PHLDB2: variants seen among roughly 807,000 people sequenced by gnomAD.
PHLDB2 encodes pleckstrin homology like domain family B member 2, also known as pleckstrin homology-like domain family B member 2.
A neutral mutation model predicts 123.6 loss-of-function variants in PHLDB2; 71 were observed. That is an observed-to-expected ratio of 0.57 (90% CI 0.47 to 0.70). The LOEUF is 0.70. PHLDB2 is among the 30% of genes least tolerant of loss of function. PHLDB2 has a pLI of 0.00. For synonymous variants in PHLDB2, 547 were observed against 541.6 expected (o/e 1.01, Z -0.14); for missense variants, 1,446 against 1,519.5 (o/e 0.95, Z 0.80).
chr3:111,857,765 C>T (rs1054749960), upstream of PHLDB2, among the ~76,000 whole-genome samples: 5 of 152,274 alleles, frequency 3.3e-5, no homozygotes, highest in South Asian at 4.1e-4. Flanking sequence ...TACCATCTCA[C>T]GCCAGTTAGA....
intron 1 of PHLDB2, among the ~76,000 whole-genome samples, chr3:111,761,860 A>AT (rs374112843): frequency 4.6e-5 from 7 of 151,640 alleles, no homozygotes; most frequent in South Asian, 2.1e-4. Flanking sequence ...CCAGCCCAAC[A>AT]TTTTTTTTTA....
chr3:111,807,964 T>G (rs2061669614), intron 1 of PHLDB2, among the ~76,000 whole-genome samples: 1 of 126,706 alleles, frequency 7.9e-6, no homozygotes, highest in Non-Finnish European at 1.7e-5. Flanking sequence ...TTTTTTTTTT[T>G]GCCTAATTTT....
At chr3:111,943,697 C>T (rs1425672578) in intron 8 of PHLDB2, among the ~76,000 whole-genome samples, 1 of 152,048 alleles carries the variant, frequency 6.6e-6, no homozygotes, top group African/African-American at 2.4e-5. Context: ...AATTTAATTC[C>T]ATCTCATAAA....
chr3:111,805,744 A>AG, intron 1 of PHLDB2, among the ~76,000 whole-genome samples: 1 of 148,054 alleles, frequency 6.8e-6, no homozygotes, highest in Non-Finnish European at 1.5e-5. Context: ...GCCTGGGGCC[A>AG]GGGGTGGTGA....
At chr3:111,821,620 G>T (rs891264826) in intron 1 of PHLDB2, among the ~76,000 whole-genome samples, 2 of 152,052 alleles carry the variant, frequency 1.3e-5, no homozygotes. Context: ...TTTATTTAAA[G>T]GTTGCTCATT....
intron 1 of PHLDB2, among the ~76,000 whole-genome samples, chr3:111,830,526 A>G (rs1359478757): frequency 9.4e-5 from 10 of 106,284 alleles, no homozygotes; most frequent in Non-Finnish European, 1.6e-4. Flanking sequence ...AAAAAAAAAA[A>G]GGGCCGGGCG....
At chr3:111,958,151 A>G (rs757407242) in intron 12 of PHLDB2, 12 of 415,158 alleles carry the variant, frequency 2.9e-5, no homozygotes, top group Non-Finnish European at 3.9e-5. Context: ...GAAGTGTTGT[A>G]TGTTTTTCCT....
intron 1 of PHLDB2, among the ~76,000 whole-genome samples, chr3:111,802,897 A>G (rs146661491): frequency 6.6e-6 from 1 of 152,298 alleles, no homozygotes; most frequent in Admixed American, 6.5e-5. Flanking sequence ...CCTGCTCCCA[A>G]ATGATAGATA....
intron 15 of PHLDB2, among the ~76,000 whole-genome samples, chr3:111,968,254 A>G (rs1389265406): frequency 6.6e-6 from 1 of 152,124 alleles, no homozygotes; most frequent in Non-Finnish European, 1.5e-5. Context: ...TTACAAGCAA[A>G]CAGTCTAGAG....
At chr3:111,936,734 A>G (rs138325385) in intron 6 of PHLDB2, among the ~76,000 whole-genome samples, 9 of 152,208 alleles carry the variant, frequency 5.9e-5, no homozygotes, top group South Asian at 2.1e-4. Context: ...CAAAGTGTAT[A>G]TATTCTGAGT....
At chr3:111,828,230 A>C (rs2062761134) in intron 1 of PHLDB2, among the ~76,000 whole-genome samples, 1 of 152,200 alleles carries the variant, frequency 6.6e-6, no homozygotes, top group South Asian at 2.1e-4. Context: ...AAAGGCCAAG[A>C]GAGTTATAGC....
Position 111,966,656 on chromosome 3 carries a change from CT to C in PHLDB2, c.3125del (p.Leu1042Ter). On this transcript the variant is annotated frameshift_variant, in exon 14 of 18. Transcript: ENST00000431670. LOFTEE classifies it high-confidence loss of function. Reference sequence around the variant, plus strand: ...TGCTAGAATAGAAGAAATGGAGAGACTTTTGAAGCAGGCTCATGCAGAAAAG... The same window carrying C: ...TGCTAGAATAGAAGAAATGGAGAGACTTTGAAGCAGGCTCATGCAGAAAAG... ...NIARIEEMERLLKQAHAEKTR... is the reference protein window; with the variant it reads ...NIARIEEMERXLKQAHAEKTR... 1 of 1,613,466 alleles carries C rather than the reference CT, an allele frequency of 6.2e-7. No homozygotes were observed. Among genetic ancestry groups the C allele is most frequent in the Non-Finnish European group, 8.5e-7 (1 of 1,179,666 alleles).
intron 2 of PHLDB2, among the ~76,000 whole-genome samples, chr3:111,904,886 C>G (rs1451959295): frequency 6.6e-6 from 1 of 152,066 alleles, no homozygotes; most frequent in African/African-American, 2.4e-5. Context: ...TCCCAGACAC[C>G]CTTCTAAGTG....
intron 1 of PHLDB2, among the ~76,000 whole-genome samples, chr3:111,826,999 G>A (rs183350012): frequency 6.6e-6 from 1 of 152,268 alleles, no homozygotes; most frequent in Admixed American, 6.5e-5. Flanking sequence ...GCAGTTAAAC[G>A]CAAATGCTTT....
intron 1 of PHLDB2, among the ~76,000 whole-genome samples, chr3:111,779,253 C>G (rs1172331093): frequency 1.2e-5 from 1 of 84,238 alleles, no homozygotes; most frequent in East Asian, 2.2e-4. Context: ...ATATTTTTTT[C>G]TTTTTCAACT....
chr3:111,899,959 T>C (rs1297588640), intron 2 of PHLDB2, among the ~76,000 whole-genome samples: 1 of 152,212 alleles, frequency 6.6e-6, no homozygotes, highest in African/African-American at 2.4e-5. Context: ...ATCTTTCCAA[T>C]TGACTTGCTG....
intron 1 of PHLDB2, among the ~76,000 whole-genome samples, chr3:111,776,774 G>A (rs1208870132): frequency 1.3e-5 from 2 of 152,014 alleles, no homozygotes; most frequent in Non-Finnish European, 2.9e-5. Context: ...CTTTAGATTT[G>A]GCAATCAGTC....
At chr3:111,928,265 C>G (rs1011338410) in intron 5 of PHLDB2, among the ~76,000 whole-genome samples, 1 of 152,126 alleles carries the variant, frequency 6.6e-6, no homozygotes, top group Non-Finnish European at 1.5e-5. Context: ...GGCATTAGGA[C>G]CAAATATTTT....
rs1028876853 is a variant in PHLDB2, at chr3:111,884,866, A to G, written c.789A>G (p.Thr263=). 3.7e-6 allele frequency: 6 copies of G among 1,614,194 alleles called. No homozygotes were observed. The highest frequency in any genetic ancestry group is 5.1e-6 in the Non-Finnish European group (6 of 1,180,028). ...SRSLPRLYRA[T]ENQLTPLSLP... ...CACTTCCCAGGTTGTACAGAGCCAC[A>G]GAGAACCAGCTGACACCTCTCAGCT... The change falls in exon 2 of 18, where the codon ACA becomes ACG. Residue 263 remains threonine, a synonymous_variant. Transcript: ENST00000431670.
Sources: gnomAD v4.1 joint callset for allele counts (sites outside exome capture counted in the v4.1 genomes callset) on GRCh38, gnomAD v4.1.1 for gene constraint, MANE v1.5 for transcripts, NCBI Gene and HGNC (gene_info 2026-07-23, HGNC 2026-07-21) for gene names.